GALNTL6: variants seen among roughly 807,000 people sequenced by gnomAD.
GALNTL6 encodes the protein polypeptide N-acetylgalactosaminyltransferase-like 6.
A neutral mutation model predicts 73.7 loss-of-function variants in GALNTL6; 46 were observed. That is an observed-to-expected ratio of 0.62 (90% CI 0.49 to 0.80). The LOEUF (loss-of-function observed/expected upper bound fraction) is 0.80, where lower values mean the gene tolerates loss of function less well. Ranked by LOEUF, GALNTL6 falls within the 30% of genes least tolerant of loss-of-function variation. The pLI is 0.00. For missense variants in GALNTL6, 604 were observed against 755.0 expected (o/e 0.80, Z 2.34); for synonymous variants, 259 against 263.7 (o/e 0.98, Z 0.17).
intron 7 of GALNTL6, among the ~76,000 whole-genome samples, chr4:172,879,168 G>C (rs966259462): frequency 4.6e-5 from 7 of 151,782 alleles, no homozygotes; most frequent in African/African-American, 1.7e-4. Flanking sequence ...AACAAATCCA[G>C]AATTATAGTC....
chr4:172,326,581 G>A (rs1740951553), intron 4 of GALNTL6, among the ~76,000 whole-genome samples: 1 of 151,870 alleles, frequency 6.6e-6, no homozygotes, highest in African/African-American at 2.4e-5. Flanking sequence ...GAACTTATTT[G>A]TGTCTTTATA....
intron 2 of GALNTL6, among the ~76,000 whole-genome samples, chr4:172,084,329 T>C (rs1364936920): frequency 6.6e-6 from 1 of 152,072 alleles, no homozygotes; most frequent in Admixed American, 6.5e-5. Context: ...AGAGGGAAAT[T>C]TGTGGTGAAA....
At chr4:172,307,330 CT>C (rs1178620170) in intron 3 of GALNTL6, among the ~76,000 whole-genome samples, 1 of 152,158 alleles carries the variant, frequency 6.6e-6, no homozygotes, top group Admixed American at 6.5e-5. Flanking sequence ...CTGATTATAT[CT>C]TTCACTGCAC....
intron 7 of GALNTL6, among the ~76,000 whole-genome samples, chr4:172,869,429 G>A (rs1366337604): frequency 6.6e-6 from 1 of 152,148 alleles, no homozygotes; most frequent in African/African-American, 2.4e-5. Context: ...CGGAGAAAAA[G>A]ACAGAAAAAG....
intron 5 of GALNTL6, chr4:172,380,438 G>T (rs566569471): frequency 1.9e-6 from 1 of 531,348 alleles, no homozygotes; most frequent in Non-Finnish European, 3.6e-6. Flanking sequence ...AACTGGTTCT[G>T]CCAGCAAAAG....
chr4:172,994,079 A>C (rs1050485366), intron 10 of GALNTL6, among the ~76,000 whole-genome samples: 6 of 152,242 alleles, frequency 3.9e-5, no homozygotes, highest in African/African-American at 1.4e-4. Context: ...GGGAGATTAA[A>C]TAAAATGCTT....
At chr4:172,607,487 G>A (rs72704873) in intron 5 of GALNTL6, among the ~76,000 whole-genome samples, 24,240 of 152,098 alleles carry the variant, frequency 0.16, 2,614 homozygotes, top group Middle Eastern at 0.32. Context: ...TCTTTTTATG[G>A]CTGTGTAGTA....
chr4:172,456,669 A>G (rs1387749262), intron 5 of GALNTL6, among the ~76,000 whole-genome samples: 3 of 151,914 alleles, frequency 2.0e-5, no homozygotes, highest in Admixed American at 2.0e-4. Flanking sequence ...ATGAAAACGA[A>G]CAAACAAAGC....
chr4:172,844,998 G>T (rs765683418), intron 7 of GALNTL6, among the ~76,000 whole-genome samples: 4 of 152,064 alleles, frequency 2.6e-5, no homozygotes, highest in Non-Finnish European at 5.9e-5. Context: ...GGCAGGTCAT[G>T]AGGTCAAGAG....
At chr4:171,883,362 T>C (rs1203728214) in intron 2 of GALNTL6, among the ~76,000 whole-genome samples, 1 of 151,924 alleles carries the variant, frequency 6.6e-6, no homozygotes, top group Non-Finnish European at 1.5e-5. Flanking sequence ...AAAACAAAAG[T>C]AAAAATAAAA....
chr4:171,957,543 T>G (rs1398053201), intron 2 of GALNTL6, among the ~76,000 whole-genome samples: 1 of 152,190 alleles, frequency 6.6e-6, no homozygotes, highest in Non-Finnish European at 1.5e-5. Flanking sequence ...ATTAAATGCG[T>G]GGAGGAACAG....
chr4:172,021,942 G>A (rs1394735718), intron 2 of GALNTL6, among the ~76,000 whole-genome samples: 3 of 151,910 alleles, frequency 2.0e-5, no homozygotes, highest in Non-Finnish European at 4.4e-5. Context: ...AAATCCAAAT[G>A]AATTAAATAT....
chr4:172,573,161 A>T (rs185695441), intron 5 of GALNTL6, among the ~76,000 whole-genome samples: 1 of 152,284 alleles, frequency 6.6e-6, no homozygotes, highest in Non-Finnish European at 1.5e-5. Flanking sequence ...ATAAAATATA[A>T]AAACAATTAT....
chr4:172,856,524 G>A (rs1346342714), intron 7 of GALNTL6, among the ~76,000 whole-genome samples: 1 of 152,154 alleles, frequency 6.6e-6, no homozygotes, highest in African/African-American at 2.4e-5. Context: ...AGAAGTCAGG[G>A]CCATAATTGC....
At chr4:172,983,090 T>C (rs1220055748) in intron 10 of GALNTL6, among the ~76,000 whole-genome samples, 2 of 152,164 alleles carry the variant, frequency 1.3e-5, no homozygotes, top group Non-Finnish European at 2.9e-5. Flanking sequence ...CACTACACAT[T>C]CTACGCATGT....
At chr4:171,977,599 T>A (rs1739759522) in intron 2 of GALNTL6, among the ~76,000 whole-genome samples, 1 of 152,162 alleles carries the variant, frequency 6.6e-6, no homozygotes, top group Non-Finnish European at 1.5e-5. Flanking sequence ...CCACTCATTT[T>A]AACTTTAAAG....
At chr4:172,261,871 G>T (rs1259773247) in intron 3 of GALNTL6, among the ~76,000 whole-genome samples, 1 of 151,256 alleles carries the variant, frequency 6.6e-6, no homozygotes, top group Non-Finnish European at 1.5e-5. Context: ...GATCATTCGA[G>T]AGCAGATTAT....
intron 5 of GALNTL6, among the ~76,000 whole-genome samples, chr4:172,398,919 T>C (rs1201473896): frequency 6.6e-6 from 1 of 152,046 alleles, no homozygotes; most frequent in East Asian, 1.9e-4. Context: ...ACTGAAAAGG[T>C]TATGGTGCCC....
At chr4:173,038,807 A>C (rs1753794178) in intron 12 of GALNTL6, among the ~76,000 whole-genome samples, 1 of 152,188 alleles carries the variant, frequency 6.6e-6, no homozygotes, top group East Asian at 1.9e-4. Flanking sequence ...CAACCCAGAA[A>C]TGTTTACAAA....
Sources: allele counts gnomAD v4.1 joint callset (sites outside exome capture counted in the v4.1 genomes callset), GRCh38; gene constraint gnomAD v4.1.1; transcripts MANE v1.5; gene names NCBI Gene and HGNC (gene_info 2026-07-23, HGNC 2026-07-21).